The following GPM6A variants were observed in gnomAD, a reference collection of about 807,000 sequenced individuals.
GPM6A encodes neuronal membrane glycoprotein M6-a.
A neutral mutation model predicts 32.1 loss-of-function variants in GPM6A; 7 were observed. The ratio of observed to expected loss-of-function variants is 0.22; its 90% CI spans 0.12 to 0.41. The LOEUF is 0.41. GPM6A is among the 10% of genes least tolerant of loss of function. GPM6A has a pLI of 1.00. For missense variants in GPM6A, 235 were observed against 347.2 expected, an observed-to-expected ratio of 0.68 and a Z score of 2.57; for synonymous variants, 130 against 123.4, an observed-to-expected ratio of 1.05 and a Z score of -0.35.
intron 1 of GPM6A, among the ~76,000 whole-genome samples, chr4:175,956,863 A>C (rs1740004307): frequency 6.6e-6 from 1 of 152,230 alleles, no homozygotes; most frequent in Non-Finnish European, 1.5e-5. Context: ...ATGTCAAGGC[A>C]TTCATTATTC....
At chr4:175,968,796 A>G (rs915868169) in intron 1 of GPM6A, among the ~76,000 whole-genome samples, 4 of 152,232 alleles carry the variant, frequency 2.6e-5, no homozygotes, top group African/African-American at 9.6e-5. Flanking sequence ...GCAAGGATGT[A>G]GAGAAATAGG....
chr4:175,924,904 T>C (rs1444780710), intron 1 of GPM6A, among the ~76,000 whole-genome samples: 2 of 152,090 alleles, frequency 1.3e-5, no homozygotes, highest in African/African-American at 2.4e-5. Context: ...TTGTCATTTA[T>C]TGTGTGGTGC....
At chr4:175,804,650 A>G (rs1560942384) in intron 1 of GPM6A, among the ~76,000 whole-genome samples, 1 of 152,196 alleles carries the variant, frequency 6.6e-6, no homozygotes, top group Admixed American at 6.5e-5. Flanking sequence ...TATTATTAAT[A>G]TTTTCCTTGA....
At chr4:175,699,954 C>T (rs1744784939) in intron 2 of GPM6A, among the ~76,000 whole-genome samples, 1 of 152,128 alleles carries the variant, frequency 6.6e-6, no homozygotes. Context: ...GAGCTGCCTT[C>T]TGGGCTCAAG....
At chr4:175,858,560 A>G (rs1389107315) in intron 1 of GPM6A, among the ~76,000 whole-genome samples, 1 of 152,080 alleles carries the variant, frequency 6.6e-6, no homozygotes, top group African/African-American at 2.4e-5. Flanking sequence ...AGCTAAAGAA[A>G]GGTGAACATA....
intron 1 of GPM6A, among the ~76,000 whole-genome samples, chr4:175,751,714 A>G (rs1387290303): frequency 6.6e-6 from 1 of 151,882 alleles, no homozygotes; most frequent in Admixed American, 6.6e-5. Flanking sequence ...GACAGTTGAT[A>G]GAGAATGACC....
chr4:175,936,448 G>C (rs1739238341), intron 1 of GPM6A, among the ~76,000 whole-genome samples: 1 of 144,864 alleles, frequency 6.9e-6, no homozygotes, highest in African/African-American at 2.8e-5. Flanking sequence ...TGTGATGCCA[G>C]TCCTTTAGCC....
intron 1 of GPM6A, among the ~76,000 whole-genome samples, chr4:175,755,887 A>G (rs879188913): frequency 5.3e-5 from 8 of 152,206 alleles, no homozygotes; most frequent in Admixed American, 5.2e-4. Flanking sequence ...ATTTGGAAAG[A>G]GTAAGTCATA....
chr4:175,903,875 T>C (rs1218777475), intron 1 of GPM6A, among the ~76,000 whole-genome samples: 1 of 152,126 alleles, frequency 6.6e-6, no homozygotes, highest in Non-Finnish European at 1.5e-5. Flanking sequence ...AAAGCGAATA[T>C]GGACCATGGA....
At chr4:175,803,596 G>A (rs189951914) in intron 1 of GPM6A, among the ~76,000 whole-genome samples, 2 of 152,164 alleles carry the variant, frequency 1.3e-5, no homozygotes, top group African/African-American at 2.4e-5. Context: ...ACATTAAACA[G>A]ACCTAAACCC....
At chr4:175,856,460 T>C (rs1196168126) in intron 1 of GPM6A, among the ~76,000 whole-genome samples, 1 of 152,130 alleles carries the variant, frequency 6.6e-6, no homozygotes, top group Non-Finnish European at 1.5e-5. Context: ...CATCTAGGGG[T>C]TGCCCACGAC....
chr4:175,872,150 T>A (rs990873096), intron 1 of GPM6A, among the ~76,000 whole-genome samples: 4 of 152,232 alleles, frequency 2.6e-5, no homozygotes, highest in African/African-American at 9.6e-5. Context: ...AGAAGTAACA[T>A]GTTTTTATCT....
Position 175,930,442 on chromosome 4 carries a change from G to GGGGT in GPM6A, c.-23+71866_-23+71867insACCC, listed in dbSNP as rs1560998970. Among the ~76,000 whole-genome samples the GGGGT allele has an allele frequency of 5.8e-3, 549 of 95,196 alleles. 2 individuals are homozygous for GGGGT. The highest frequency in any genetic ancestry group is 0.015 in the African/African-American group (493 of 32,102). 62.5% of individuals were successfully genotyped at this position (95,196 alleles called of 152,430 possible). On this transcript the variant is annotated intron_variant, in intron 1 of 7. Transcript: ENST00000280187. ...CTGTTTTTTGGGGGGGGGTTTTTTTGTTGTTGTTTTTTTTAAGTTTCAACA... is the reference window on the plus strand; with the variant it reads ...CTGTTTTTTGGGGGGGGGTTTTTTTGGGGTTTGTTGTTTTTTTTAAGTTTCAACA...
chr4:175,696,203 A>G (rs546823783), intron 2 of GPM6A, among the ~76,000 whole-genome samples: 4 of 152,310 alleles, frequency 2.6e-5, no homozygotes, highest in Non-Finnish European at 5.9e-5. Flanking sequence ...ATTATCAACT[A>G]ATTTTATTGT....
intron 1 of GPM6A, among the ~76,000 whole-genome samples, chr4:175,920,776 G>A (rs555149192): frequency 7.2e-5 from 11 of 151,960 alleles, no homozygotes; most frequent in East Asian, 3.9e-4. Context: ...TTGAACCCGG[G>A]AGGCGGTGGT....
At chr4:175,915,288 ATTT>A (rs11316675) in intron 1 of GPM6A, among the ~76,000 whole-genome samples, 2 of 141,030 alleles carry the variant, frequency 1.4e-5, no homozygotes, top group Non-Finnish European at 1.5e-5. Flanking sequence ...ATTAAAAAGG[ATTT>A]TTTTTTTTTT....
At chr4:175,758,574 G>A (rs1732620820) in intron 1 of GPM6A, among the ~76,000 whole-genome samples, 1 of 152,154 alleles carries the variant, frequency 6.6e-6, no homozygotes, top group Admixed American at 6.5e-5. Flanking sequence ...ATCCACCAGT[G>A]AGTAAATAGC....
At chr4:175,943,458 G>C (rs116044130) in intron 1 of GPM6A, among the ~76,000 whole-genome samples, 3 of 151,982 alleles carry the variant, frequency 2.0e-5, no homozygotes, top group African/African-American at 7.3e-5. Context: ...GTCTTGTGCC[G>C]GTTTTCAAAG....
At chr4:175,957,635 C>G (rs1053074082) in intron 1 of GPM6A, among the ~76,000 whole-genome samples, 1 of 152,016 alleles carries the variant, frequency 6.6e-6, no homozygotes, top group African/African-American at 2.4e-5. Flanking sequence ...ATGGGTGCAG[C>G]AAACCACCAT....
Sources: gnomAD v4.1 joint callset for allele counts (sites outside exome capture counted in the v4.1 genomes callset) on GRCh38, gnomAD v4.1.1 for gene constraint, MANE v1.5 for transcripts, NCBI Gene and HGNC (gene_info 2026-07-23, HGNC 2026-07-21) for gene names.